The following ABCA12 variants were observed in gnomAD, a reference collection of about 807,000 sequenced individuals.
ABCA12 encodes glucosylceramide transporter ABCA12.
A neutral mutation model predicts 293.5 loss-of-function variants in ABCA12; 156 were observed. That is an observed-to-expected ratio of 0.53 (90% CI 0.47 to 0.61). The LOEUF (loss-of-function observed/expected upper bound fraction) is 0.61. ABCA12 is among the 20% of genes least tolerant of loss of function. ABCA12 has a pLI of 0.00. For missense variants in ABCA12, 2,797 were observed against 3,090.2 expected, an observed-to-expected ratio of 0.91 and a Z score of 2.25; for synonymous variants, 1,063 against 1,108.0, an observed-to-expected ratio of 0.96 and a Z score of 0.81.
chr2:215,067,050 C>T (rs1324905503), intron 2 of ABCA12, among the ~76,000 whole-genome samples: 1 of 152,028 alleles, frequency 6.6e-6, no homozygotes, highest in Non-Finnish European at 1.5e-5. Flanking sequence ...AATTAAATTT[C>T]CTGTAGCTTT....
chr2:214,948,999 GTATGTTGTACTCGC>G, intron 46 of ABCA12, 27 bp downstream of exon 46: 1 of 1,482,278 alleles, frequency 6.7e-7, no homozygotes, highest in Non-Finnish European at 9.4e-7. Flanking sequence ...TCTCATTTAA[GTATGTTGTACTCGC>G]TAAATTGAAG....
chr2:215,034,748 T>G (rs557763278), intron 8 of ABCA12, among the ~76,000 whole-genome samples: 1 of 152,352 alleles, frequency 6.6e-6, no homozygotes, highest in South Asian at 2.1e-4. Context: ...TAAAATGGGA[T>G]AATAACTGTA....
chr2:215,095,184 G>A (rs567053008), intron 2 of ABCA12, among the ~76,000 whole-genome samples: 4 of 152,222 alleles, frequency 2.6e-5, no homozygotes, highest in African/African-American at 9.6e-5. Context: ...AATGAAGAGT[G>A]TTGTTTTTAC....
At chr2:215,000,592 C>T in intron 22 of ABCA12, 113 bp downstream of exon 22, 5 of 1,279,946 alleles carry the variant, frequency 3.9e-6, no homozygotes, top group Non-Finnish European at 4.5e-6. Flanking sequence ...AAGCATATTA[C>T]AAAAGTTTGG....
intron 2 of ABCA12, among the ~76,000 whole-genome samples, chr2:215,074,124 T>C (rs759034194): frequency 5.3e-5 from 8 of 152,196 alleles, no homozygotes; most frequent in Non-Finnish European, 8.8e-5. Flanking sequence ...GAATGAATAT[T>C]CCATGGGGCA....
intron 28 of ABCA12, 137 bp from the exon 29 acceptor site, chr2:214,984,002 T>C (rs980436061): frequency 1.5e-6 from 1 of 678,024 alleles, no homozygotes; most frequent in Non-Finnish European, 2.5e-6. Context: ...AATAAAATGG[T>C]ATTTAATGGG....
At chr2:214,976,321 A>G (rs1394309371) in intron 33 of ABCA12, among the ~76,000 whole-genome samples, 1 of 152,228 alleles carries the variant, frequency 6.6e-6, no homozygotes, top group Non-Finnish European at 1.5e-5. Flanking sequence ...TAGTAATTTT[A>G]CATGTCAAAG....
At chr2:214,985,137 T>C (rs554759542) in intron 28 of ABCA12, among the ~76,000 whole-genome samples, 1 of 152,336 alleles carries the variant, frequency 6.6e-6, no homozygotes, top group South Asian at 2.1e-4. Flanking sequence ...AATAACATAC[T>C]TTATATTAAA....
intron 51 of ABCA12, among the ~76,000 whole-genome samples, chr2:214,935,320 G>C (rs561455299): frequency 1.3e-5 from 2 of 152,162 alleles, no homozygotes; most frequent in East Asian, 3.9e-4. Context: ...TATAGCCCTG[G>C]TCCCATGAGG....
chr2:215,007,303 T>C (rs1700276347), intron 19 of ABCA12, among the ~76,000 whole-genome samples: 1 of 152,248 alleles, frequency 6.6e-6, no homozygotes, highest in Non-Finnish European at 1.5e-5. Context: ...TTAACACATG[T>C]GTCATAAATT....
At chr2:215,068,150 C>T (rs916430016) in intron 2 of ABCA12, among the ~76,000 whole-genome samples, 6 of 152,094 alleles carry the variant, frequency 3.9e-5, no homozygotes, top group Admixed American at 3.9e-4. Context: ...TCAGTGTCAC[C>T]TGGGAACTTA....
chr2:215,114,992 T>G (rs1702656176), intron 1 of ABCA12, among the ~76,000 whole-genome samples: 1 of 152,198 alleles, frequency 6.6e-6, no homozygotes, highest in Non-Finnish European at 1.5e-5. Context: ...ATGGTATGTA[T>G]GGTTGCCTTT....
At chr2:215,126,809 C>T (rs188832751) in intron 1 of ABCA12, among the ~76,000 whole-genome samples, 4 of 151,932 alleles carry the variant, frequency 2.6e-5, no homozygotes, top group African/African-American at 9.6e-5. Flanking sequence ...GCTCTGATCT[C>T]GGTTATTTTC....
chr2:214,982,974 C>G (rs1699701428), intron 29 of ABCA12, among the ~76,000 whole-genome samples: 1 of 152,038 alleles, frequency 6.6e-6, no homozygotes, highest in Non-Finnish European at 1.5e-5. Context: ...TTGGCACAGA[C>G]CAGGAAAGCG....
chr2:215,132,817 G>T (rs1227454791), intron 1 of ABCA12, among the ~76,000 whole-genome samples: 1 of 152,008 alleles, frequency 6.6e-6, no homozygotes, highest in Non-Finnish European at 1.5e-5. Context: ...TTGTGCAGTT[G>T]CTTTACAAGA....
chr2:215,028,553 A>T (rs1700801588), intron 9 of ABCA12, among the ~76,000 whole-genome samples: 1 of 152,216 alleles, frequency 6.6e-6, no homozygotes. Flanking sequence ...TATTTATCAA[A>T]GCCTCCTTAT....
chr2:214,949,036 A>G lies in ABCA12; in HGVS notation c.6962+4T>C, dbSNP rs200483916. ...CGCTAAATTGAAGCATTAGTTTTTC[A>G]TACCCGGTCTTATTTCTGATCAGAA... On this transcript the variant is annotated splice_donor_region_variant and intron_variant, in intron 46 of 52. Coordinates refer to ENST00000272895, the MANE Select transcript of ABCA12 (RefSeq NM_173076.3). 2.0e-5 allele frequency: 32 copies of G among 1,608,846 alleles called. No individual in the cohort carries two copies. The highest frequency in any genetic ancestry group is 2.7e-5 in the Non-Finnish European group (32 of 1,175,458).
intron 8 of ABCA12, 133 bp downstream of exon 8, chr2:215,036,820 G>T: frequency 2.5e-6 from 2 of 799,822 alleles, no homozygotes; most frequent in Non-Finnish European, 4.2e-6. Context: ...TCGAGATCCA[G>T]ATTTATTCAT....
chr2:215,064,291 C>T, intron 2 of ABCA12, 72 bp from the exon 3 acceptor site: 7 of 1,481,478 alleles, frequency 4.7e-6, no homozygotes, highest in Admixed American at 1.8e-5. Context: ...TGCAGTAACT[C>T]CACTTTGTGA....
Sources: allele counts gnomAD v4.1 joint callset (sites outside exome capture counted in the v4.1 genomes callset), GRCh38; gene constraint gnomAD v4.1.1; transcripts MANE v1.5; gene names NCBI Gene and HGNC (gene_info 2026-07-23, HGNC 2026-07-21).